CNTN6: variants seen among roughly 807,000 people sequenced by gnomAD.
CNTN6 encodes contactin 6.
Under a neutral mutation model 122.8 loss-of-function variants are expected in CNTN6, and 137 were observed. That is an observed-to-expected ratio of 1.12 (90% CI 0.97 to 1.29). The LOEUF is 1.29. CNTN6 is among the 50% of genes most tolerant of loss of function. The pLI is 0.00. For missense variants in CNTN6, 1,634 were observed against 1,223.4 expected, an observed-to-expected ratio of 1.34 and a Z score of -5.01; for synonymous variants, 570 against 426.0, an observed-to-expected ratio of 1.34 and a Z score of -4.16.
intron 20 of CNTN6, among the ~76,000 whole-genome samples, chr3:1,399,666 A>G (rs374045417): frequency 2.1e-4 from 32 of 152,100 alleles, no homozygotes; most frequent in African/African-American, 5.8e-4. Flanking sequence ...TGCATAATCA[A>G]TACAGCCTGA....
At chr3:1,393,780 C>G (rs1442831266) in intron 20 of CNTN6, among the ~76,000 whole-genome samples, 2 of 152,004 alleles carry the variant, frequency 1.3e-5, no homozygotes, top group African/African-American at 4.8e-5. Flanking sequence ...AACTTGAACA[C>G]TGAACTAATC....
chr3:1,302,898 C>A (rs992924582), intron 7 of CNTN6, among the ~76,000 whole-genome samples: 54 of 151,838 alleles, frequency 3.6e-4, no homozygotes, highest in African/African-American at 1.2e-3. Flanking sequence ...ATCTTTTATG[C>A]CATTTGTAAT....
At chr3:1,097,339 G>T (rs1303405558) in intron 1 of CNTN6, among the ~76,000 whole-genome samples, 1 of 152,150 alleles carries the variant, frequency 6.6e-6, no homozygotes, top group East Asian at 1.9e-4. Context: ...AAAGTATACT[G>T]AGTAGAAAAC....
At chr3:1,374,106 G>T in intron 16 of CNTN6, 33 bp downstream of exon 16, 1 of 1,592,586 alleles carries the variant, frequency 6.3e-7, no homozygotes, top group Non-Finnish European at 8.6e-7. Context: ...AAGTGTGGAA[G>T]ATTTCGTATG....
At chr3:1,247,644 T>G (rs1237471015) in intron 4 of CNTN6, among the ~76,000 whole-genome samples, 1 of 152,164 alleles carries the variant, frequency 6.6e-6, no homozygotes, top group Non-Finnish European at 1.5e-5. Context: ...TAACAACTGT[T>G]TCTGTGAGTA....
chr3:1,150,935 T>C (rs2036236), intron 2 of CNTN6, among the ~76,000 whole-genome samples: 67,088 of 151,898 alleles, frequency 0.44, 15,213 homozygotes, highest in Middle Eastern at 0.52. Flanking sequence ...ACTGCTAGAC[T>C]TCAGGACTGA....
intron 2 of CNTN6, among the ~76,000 whole-genome samples, chr3:1,188,279 C>T (rs1024925102): frequency 6.6e-6 from 1 of 152,148 alleles, no homozygotes; most frequent in Non-Finnish European, 1.5e-5. Context: ...CTCCTCCTTT[C>T]CAGAATGAAC....
intron 20 of CNTN6, among the ~76,000 whole-genome samples, chr3:1,390,835 A>C (rs1694031415): frequency 1.3e-5 from 2 of 150,134 alleles, no homozygotes; most frequent in South Asian, 4.2e-4. Flanking sequence ...CGACACATAC[A>C]CTCTCCCAAG....
At chr3:1,188,697 G>C (rs1315526284) in intron 2 of CNTN6, among the ~76,000 whole-genome samples, 1 of 152,124 alleles carries the variant, frequency 6.6e-6, no homozygotes, top group African/African-American at 2.4e-5. Context: ...ATAAATGATA[G>C]CCAAAAATAC....
intron 4 of CNTN6, among the ~76,000 whole-genome samples, chr3:1,260,591 A>G (rs909019871): frequency 2.6e-5 from 4 of 152,056 alleles, no homozygotes; most frequent in Admixed American, 6.6e-5. Flanking sequence ...ACATTATGAT[A>G]TGGTTTGGCT....
At chr3:1,385,882 C>T (rs72997748) in intron 20 of CNTN6, 85 bp downstream of exon 20, 169,970 of 1,266,906 alleles carry the variant, frequency 0.13, 12,773 homozygotes, top group Middle Eastern at 0.19. Context: ...CATTCCCACA[C>T]CTCATTTCTT....
At chr3:1,115,774 A>G (rs912712186) in intron 1 of CNTN6, among the ~76,000 whole-genome samples, 9 of 152,112 alleles carry the variant, frequency 5.9e-5, no homozygotes, top group Non-Finnish European at 1.0e-4. Context: ...TAAATAAACA[A>G]ACAAAAGAAC....
chr3:1,402,398 TGAA>T lies in CNTN6; in HGVS notation c.2904_2906del (p.Glu968del), dbSNP rs761676837. On this transcript the variant is annotated inframe_deletion, in exon 22 of 23. Coordinates refer to ENST00000446702, the MANE Select transcript of CNTN6 (RefSeq NM_001289080.2). ...CATCAGCTGAGCTTCTGGTTCCATT[TGAA>T]GAAGACTACTTAATTGAAATAAGAA... 2.7e-5 allele frequency: 43 copies of T among 1,612,432 alleles called. No individual in the cohort carries two copies. In the South Asian group the frequency reaches 3.8e-4, roughly 14 times the overall value.
At position 1,386,884 on chromosome 3, in the gene CNTN6, T is replaced by TAA. The variant is rs534672933; in HGVS notation, c.2704+1089_2704+1090dup. On this transcript the variant is annotated intron_variant, in intron 20 of 22. Coordinates refer to ENST00000446702, the MANE Select transcript of CNTN6 (RefSeq NM_001289080.2). ...GAAGAGTTTGAAAATAAAGTTATATTAAAGTTATTCCCCTTATGCGTATAT... is the reference window on the plus strand; with the variant it reads ...GAAGAGTTTGAAAATAAAGTTATATTAAAAAGTTATTCCCCTTATGCGTATAT... 1.1e-4 allele frequency among the ~76,000 whole-genome samples: 17 copies of TAA among 152,262 alleles called. No homozygotes were observed. In the South Asian group the frequency reaches 3.3e-3, roughly 30 times the overall value.
intron 12 of CNTN6, among the ~76,000 whole-genome samples, chr3:1,355,801 G>C (rs1250808235): frequency 6.6e-6 from 1 of 151,722 alleles, no homozygotes; most frequent in Admixed American, 6.6e-5. Flanking sequence ...AAGAAATGTT[G>C]TTGTTAGATA....
At chr3:1,206,076 A>G (rs567196849) in intron 2 of CNTN6, among the ~76,000 whole-genome samples, 7 of 152,286 alleles carry the variant, frequency 4.6e-5, no homozygotes, top group African/African-American at 1.7e-4. Flanking sequence ...ATAATCTGCA[A>G]TCTGCAAGAG....
Position 1,215,125 on chromosome 3 carries a change from C to G in CNTN6, c.56-5562C>G, listed in dbSNP as rs148794194. 3.3e-5 allele frequency among the ~76,000 whole-genome samples: 5 copies of G among 152,298 alleles called. No homozygotes were observed. In the East Asian group the frequency reaches 9.7e-4, roughly 29 times the overall value. ...AAAGAAGCTTCCTCTTGATGTTCTT[C>G]AAATATTAGTCACTTAATCAGCAAA... On this transcript the variant is annotated intron_variant, in intron 2 of 22. Coordinates refer to ENST00000446702, the MANE Select transcript of CNTN6 (RefSeq NM_001289080.2).
intron 2 of CNTN6, among the ~76,000 whole-genome samples, chr3:1,200,631 C>T (rs1273856748): frequency 6.6e-6 from 1 of 152,140 alleles, no homozygotes; most frequent in Non-Finnish European, 1.5e-5. Flanking sequence ...TAAATGCAAG[C>T]ATGACATGCA....
intron 4 of CNTN6, among the ~76,000 whole-genome samples, chr3:1,250,921 G>C (rs1255744346): frequency 2.5e-5 from 2 of 80,400 alleles, no homozygotes; most frequent in Non-Finnish European, 4.7e-5. Context: ...GCCATTTCCA[G>C]ATGATCCCTC....
Sources: gnomAD v4.1 joint callset for allele counts (sites outside exome capture counted in the v4.1 genomes callset) on GRCh38, gnomAD v4.1.1 for gene constraint, MANE v1.5 for transcripts, NCBI Gene and HGNC (gene_info 2026-07-23, HGNC 2026-07-21) for gene names.